DNAH10: variants seen among roughly 807,000 people sequenced by gnomAD.
DNAH10 encodes the protein dynein axonemal heavy chain 10.
Under a neutral mutation model 506.6 loss-of-function variants are expected in DNAH10, and 348 were observed. The ratio of observed to expected loss-of-function variants is 0.69; its 90% CI spans 0.63 to 0.75. DNAH10 has a LOEUF of 0.75. DNAH10 is among the 30% of genes least tolerant of loss of function. The probability of loss-of-function intolerance (pLI) is 0.00; values close to 1 mark genes in which losing one functional copy is unlikely to be tolerated. For missense variants in DNAH10, 5,179 were observed against 5,787.1 expected (o/e 0.89, Z 3.41); for synonymous variants, 2,059 against 2,198.6 (o/e 0.94, Z 1.78).
At chr12:123,765,742 C>T (rs1199461998) in intron 1 of DNAH10, among the ~76,000 whole-genome samples, 1 of 150,920 alleles carries the variant, frequency 6.6e-6, no homozygotes, top group African/African-American at 2.5e-5. Context: ...ATCCATCTAT[C>T]AATTATCTAC....
At position 123,846,194 on chromosome 12, in the gene DNAH10, G is replaced by A. The variant is rs745658923; in HGVS notation, c.5814+40G>A. On this transcript the variant is annotated intron_variant, in intron 32 of 78. Transcript: ENST00000673944. This position sits in a 1 kb window ranked among gnomAD's most constrained non-coding sequence, Gnocchi z 4.5. Reference sequence around the variant, plus strand: ...GGCACTTGTGGTTACCACTTACCTTGGGGCGGGGCATTTTCTCTAAGCTTG... The same window carrying A: ...GGCACTTGTGGTTACCACTTACCTTAGGGCGGGGCATTTTCTCTAAGCTTG... 2 of 1,581,212 alleles carry A rather than the reference G, an allele frequency of 1.3e-6. No homozygotes were observed. Among genetic ancestry groups the A allele is most frequent in the Non-Finnish European group, 1.7e-6 (2 of 1,163,392 alleles).
At chr12:123,781,862 C>T (rs1957666540) in intron 6 of DNAH10, among the ~76,000 whole-genome samples, 2 of 152,120 alleles carry the variant, frequency 1.3e-5, no homozygotes, top group Admixed American at 1.3e-4. Flanking sequence ...TTCTCCCCTC[C>T]CCCTTTACGT....
Position 123,817,718 on chromosome 12 carries a change from TCTAA to T in DNAH10, c.3781-1229_3781-1226del, listed in dbSNP as rs1303933039. Among the ~76,000 whole-genome samples, 3 of 152,212 alleles carry T rather than the reference TCTAA, an allele frequency of 2.0e-5. No individual in the cohort carries two copies. The East Asian group carries it at 5.8e-4, about 29-fold the overall frequency. On this transcript the variant is annotated intron_variant, in intron 21 of 78. Transcript: ENST00000673944. ...TTCGTGTCTTTATATGGCTGGCATT[TCTAA>T]CTGAGTTCTTAACAGCCTGTGTGAT...
At chr12:123,893,840 G>A (rs1302373650) in intron 53 of DNAH10, among the ~76,000 whole-genome samples, 1 of 152,182 alleles carries the variant, frequency 6.6e-6, no homozygotes, top group Non-Finnish European at 1.5e-5. Flanking sequence ...CACAGCCCCG[G>A]GGAGCATGCA....
Position 123,772,886 on chromosome 12 carries a change from C to A in DNAH10, c.449C>A (p.Pro150His). Residue 150 changes from proline to histidine, a missense_variant, in exon 4 of 79, where the codon CCT (proline) becomes CAT (histidine). Physicochemically the swap from Pro to His is moderately conservative, Grantham distance 77. Coordinates refer to ENST00000673944, the MANE Select transcript of DNAH10 (RefSeq NM_001372106.1). ...ATGCATCTCCACATGCTCTGTACCC[C>A]TCTTCCCGAGGAGTTCCTGGACCAA... ...EKMHLHMLCT[P>H]LPEEFLDQNV... The A allele has an allele frequency of 6.2e-7, 1 of 1,613,056 alleles. No individual in the cohort carries two copies. The highest frequency in any genetic ancestry group is 8.5e-7 in the Non-Finnish European group (1 of 1,179,584).
At position 123,885,557 on chromosome 12, in the gene DNAH10, C is replaced by T. The variant is rs527959686; in HGVS notation, c.8824-1585C>T. 4.1e-4 allele frequency among the ~76,000 whole-genome samples: 63 copies of T among 152,136 alleles called. 1 individual carries two copies. Among genetic ancestry groups the T allele is most frequent in the African/African-American group, 1.5e-3 (62 of 41,508 alleles). On this transcript the variant is annotated intron_variant, in intron 51 of 78. Coordinates refer to ENST00000673944, the MANE Select transcript of DNAH10 (RefSeq NM_001372106.1). Reference sequence around the variant, plus strand: ...TATGCTCTTTTACAGCTTTGGTTGCCTGGCACCAGATTTCGCACTGGGAAG... The same window carrying T: ...TATGCTCTTTTACAGCTTTGGTTGCTTGGCACCAGATTTCGCACTGGGAAG...
chr12:123,916,423 T>C lies in DNAH10; in HGVS notation c.10723-34T>C, dbSNP rs369669833. 12 of 1,581,496 alleles carry C rather than the reference T, an allele frequency of 7.6e-6. No individual in the cohort carries two copies. Among genetic ancestry groups the C allele is most frequent in the Non-Finnish European group, 1.0e-5 (12 of 1,164,468 alleles). ...TATTTGGCAGGGCCACAGTTAAACG[T>C]GGGCTTTCAGCATCTGCCTCCCTTC... On this transcript the variant is annotated intron_variant, in intron 62 of 78. Coordinates refer to ENST00000673944, the MANE Select transcript of DNAH10 (RefSeq NM_001372106.1). This position sits in a 1 kb window ranked among gnomAD's most constrained non-coding sequence, Gnocchi z 4.6.
chr12:123,868,926 G>A (rs998830626), intron 43 of DNAH10, among the ~76,000 whole-genome samples: 1 of 152,136 alleles, frequency 6.6e-6, no homozygotes, highest in Non-Finnish European at 1.5e-5. Context: ...TTTCAGCTCC[G>A]CCAGCCACGC....
intron 50 of DNAH10, 63 bp downstream of exon 50, chr12:123,879,864 C>T (rs1289851753): frequency 6.4e-7 from 1 of 1,564,452 alleles, no homozygotes; most frequent in East Asian, 2.2e-5. Context: ...CAAGCGGGAG[C>T]TGAGCATCGC....
intron 39 of DNAH10, among the ~76,000 whole-genome samples, chr12:123,862,161 T>A (rs75168812): frequency 0.043 from 6,530 of 152,262 alleles, 192 homozygotes; most frequent in Non-Finnish European, 0.064. Flanking sequence ...ATGGGTGGTG[T>A]TAATCTTGAT....
At chr12:123,804,539 A>G (rs536972803) in intron 17 of DNAH10, among the ~76,000 whole-genome samples, 1 of 152,214 alleles carries the variant, frequency 6.6e-6, no homozygotes, top group Admixed American at 6.5e-5. Context: ...AAAAAAAAAA[A>G]AAAGATACTT....
chr12:123,869,017 G>T (rs1594241890), intron 43 of DNAH10, among the ~76,000 whole-genome samples: 1 of 152,146 alleles, frequency 6.6e-6, no homozygotes, highest in Non-Finnish European at 1.5e-5. Context: ...TCCCTCATTT[G>T]CCCTCATCTT....
intron 1 of DNAH10, among the ~76,000 whole-genome samples, chr12:123,765,093 C>G (rs547735541): frequency 1.4e-4 from 21 of 151,896 alleles, no homozygotes; most frequent in African/African-American, 4.3e-4. Context: ...CCTCTTTCTG[C>G]CCCCCTTCCC....
At chr12:123,841,182 C>G in intron 29 of DNAH10, 140 bp from the exon 30 acceptor site, 2 of 814,190 alleles carry the variant, frequency 2.5e-6, no homozygotes, top group Non-Finnish European at 4.2e-6. Flanking sequence ...GGGTGAACGA[C>G]ATCCATCTTG....
At chr12:123,796,204 C>T (rs1406365830) in intron 12 of DNAH10, among the ~76,000 whole-genome samples, 2 of 152,022 alleles carry the variant, frequency 1.3e-5, no homozygotes, top group Admixed American at 6.6e-5. Flanking sequence ...CGCCTGTCCT[C>T]GCAGCACTTT....
At chr12:123,859,011 A>G in intron 37 of DNAH10, 139 bp from the exon 38 acceptor site, 1 of 802,036 alleles carries the variant, frequency 1.2e-6, no homozygotes, top group Non-Finnish European at 2.0e-6. Context: ...GGATGGTTGC[A>G]CAACTCTGTG....
Position 123,928,928 on chromosome 12 carries a change from ATTT to A in DNAH10, c.12306+342_12306+344del. On this transcript the variant is annotated intron_variant, in intron 70 of 78. Transcript: ENST00000673944. The surrounding 1 kb of genome is among the most constrained non-coding windows in gnomAD (Gnocchi z 4.9). Reference sequence around the variant, plus strand: ...GAGTTTCGCGTGGTTTACATGCCCCATTTAATTTATTCTCCGGGAAATTCTTTT... The same window carrying A: ...GAGTTTCGCGTGGTTTACATGCCCCAAATTTATTCTCCGGGAAATTCTTTT... 6.6e-6 allele frequency: 3 copies of A among 452,956 alleles called. No homozygotes were observed. Among genetic ancestry groups the A allele is most frequent in the Non-Finnish European group, 1.2e-5 (3 of 256,252 alleles). 28.1% of individuals were successfully genotyped at this position (452,956 alleles called of 1,614,324 possible).
rs1343327651 is a variant in DNAH10, at chr12:123,881,050, T to C, written c.8635-575T>C. Among the ~76,000 whole-genome samples, 4 of 152,230 alleles carry C rather than the reference T, an allele frequency of 2.6e-5. No individual in the cohort carries two copies. The East Asian group carries it at 5.8e-4, about 22-fold the overall frequency. On this transcript the variant is annotated intron_variant, in intron 50 of 78. Transcript: ENST00000673944. ...CACATTTTCTTAATCCAGTCTATCATTGATGGGCATTTGGGTTGGTTCCAA... is the reference window on the plus strand; with the variant it reads ...CACATTTTCTTAATCCAGTCTATCACTGATGGGCATTTGGGTTGGTTCCAA...
At chr12:123,869,937 C>T (rs1025088371) in intron 43 of DNAH10, among the ~76,000 whole-genome samples, 1 of 152,230 alleles carries the variant, frequency 6.6e-6, no homozygotes, top group African/African-American at 2.4e-5. Flanking sequence ...TCTCCTGCTG[C>T]AGCACTTATG....
Sources: gnomAD v4.1 joint callset for allele counts (sites outside exome capture counted in the v4.1 genomes callset) on GRCh38, gnomAD v4.1.1 for gene constraint, Gnocchi (gnomAD v3.1) non-coding constraint, MANE v1.5 for transcripts, NCBI Gene and HGNC (gene_info 2026-07-23, HGNC 2026-07-21) for gene names.